The following CAST variants were observed in gnomAD, a reference collection of about 807,000 sequenced individuals.
The protein encoded by CAST is calpastatin, also known as MIR583 host.
In CAST, 76 loss-of-function variants were observed where a neutral mutation model predicts 119.6. That is an observed-to-expected ratio of 0.64 (90% CI 0.53 to 0.77). The LOEUF is 0.77. Ranked by LOEUF, CAST falls within the 30% of genes least tolerant of loss-of-function variation. The probability of loss-of-function intolerance (pLI) is 0.00; values close to 1 mark genes in which losing one functional copy is unlikely to be tolerated. For synonymous variants in CAST, 319 were observed against 331.6 expected, an observed-to-expected ratio of 0.96 and a Z score of 0.41; for missense variants, 953 against 946.5, an observed-to-expected ratio of 1.01 and a Z score of -0.09.
At chr5:96,722,895 C>T (rs1468026831) in intron 4 of CAST, among the ~76,000 whole-genome samples, 197 bp downstream of exon 4, 1 of 152,154 alleles carries the variant, frequency 6.6e-6, no homozygotes, top group African/African-American at 2.4e-5. Context: ...ACATCATCTA[C>T]ATGGTTTTAG....
chr5:96,591,089 TC>T (rs1400591700), intron 1 of CAST, among the ~76,000 whole-genome samples: 6 of 152,274 alleles, frequency 3.9e-5, no homozygotes, highest in African/African-American at 1.4e-4. Context: ...GCTCCTCTCT[TC>T]CCTTACTAAA....
the CAST span, among the ~76,000 whole-genome samples, chr5:96,150,142 G>T: frequency 1.3e-5 from 2 of 152,182 alleles, no homozygotes; most frequent in African/African-American, 4.8e-5. Context: ...GGGGGAGACT[G>T]CCCACAAACA....
the CAST span, among the ~76,000 whole-genome samples, chr5:96,031,869 T>TG: frequency 6.6e-6 from 1 of 152,258 alleles, no homozygotes; most frequent in South Asian, 2.1e-4. Context: ...GTAGATCAGC[T>TG]GGGGGACTCT....
the CAST span, among the ~76,000 whole-genome samples, chr5:96,497,314 T>C: frequency 6.6e-6 from 1 of 152,210 alleles, no homozygotes; most frequent in Admixed American, 6.5e-5. Context: ...AGTGCCGCAA[T>C]AAACATATGG....
the CAST span, among the ~76,000 whole-genome samples, chr5:96,209,801 G>T: frequency 6.6e-6 from 1 of 151,622 alleles, no homozygotes; most frequent in African/African-American, 2.4e-5. Flanking sequence ...TGAAGACTGT[G>T]TGTCTTGGGG....
chr5:96,636,167 A>G (rs1293816808), intron 1 of CAST, among the ~76,000 whole-genome samples: 1 of 152,224 alleles, frequency 6.6e-6, no homozygotes, highest in African/African-American at 2.4e-5. Flanking sequence ...AGCACTCTAT[A>G]GAAGCTAATG....
chr5:96,608,510 A>G (rs934030849), intron 1 of CAST, among the ~76,000 whole-genome samples: 5 of 152,168 alleles, frequency 3.3e-5, no homozygotes, highest in Admixed American at 6.5e-5. Flanking sequence ...AATTGCTTAC[A>G]TTAAAAAAAA....
chr5:96,415,469 G>A, the CAST span, among the ~76,000 whole-genome samples: 23 of 152,236 alleles, frequency 1.5e-4, 1 homozygote, highest in Middle Eastern at 6.8e-3. Flanking sequence ...TCTAATTCTT[G>A]TAAATCGTTT....
intron 3 of CAST, among the ~76,000 whole-genome samples, chr5:96,706,715 T>C (rs1015389045): frequency 2.6e-5 from 4 of 152,218 alleles, no homozygotes; most frequent in African/African-American, 9.7e-5. Flanking sequence ...AATCTCTTCT[T>C]CCCGTGCTTT....
intron 1 of CAST, among the ~76,000 whole-genome samples, chr5:96,583,392 A>G (rs866354718): frequency 1.3e-5 from 2 of 152,270 alleles, no homozygotes; most frequent in South Asian, 4.1e-4. Flanking sequence ...ATATTTTGAG[A>G]CATTAAATGA....
At chr5:96,263,737 A>G in the CAST span, among the ~76,000 whole-genome samples, 1 of 152,236 alleles carries the variant, frequency 6.6e-6, no homozygotes, top group Non-Finnish European at 1.5e-5. Context: ...ATTTATAAAT[A>G]AAAGAGGTTT....
the CAST span, among the ~76,000 whole-genome samples, chr5:96,073,865 G>A: frequency 6.6e-6 from 1 of 152,110 alleles, no homozygotes; most frequent in African/African-American, 2.4e-5. Flanking sequence ...GTTCTTTCTT[G>A]ATAGAGAACA....
the CAST span, among the ~76,000 whole-genome samples, chr5:96,180,923 A>T: frequency 1.3e-5 from 2 of 152,228 alleles, no homozygotes; most frequent in Admixed American, 6.5e-5. Flanking sequence ...TGAAAGTTTA[A>T]ACTGCATCTA....
chr5:96,354,200 C>A, the CAST span, among the ~76,000 whole-genome samples: 1 of 152,200 alleles, frequency 6.6e-6, no homozygotes, highest in African/African-American at 2.4e-5. Flanking sequence ...CTCATTTTCC[C>A]CTTCCCAATC....
intron 1 of CAST, among the ~76,000 whole-genome samples, chr5:96,600,952 C>T (rs571660847): frequency 1.1e-3 from 169 of 152,298 alleles, no homozygotes; most frequent in African/African-American, 3.7e-3. Flanking sequence ...TCCTCCTTCT[C>T]TGGATTTTGG....
intron 1 of CAST, among the ~76,000 whole-genome samples, chr5:96,557,352 C>T (rs2150183586): frequency 6.6e-6 from 1 of 152,130 alleles, no homozygotes; most frequent in East Asian, 1.9e-4. Flanking sequence ...CAAATTCACA[C>T]ATAACAATAT....
intron 1 of CAST, among the ~76,000 whole-genome samples, chr5:96,586,786 A>G (rs1746868995): frequency 6.6e-6 from 1 of 152,234 alleles, no homozygotes. Context: ...CCACAGATTA[A>G]TTCACAAAGA....
intron 2 of CAST, among the ~76,000 whole-genome samples, chr5:96,679,024 A>G (rs536951282): frequency 6.6e-6 from 1 of 151,844 alleles, no homozygotes; most frequent in African/African-American, 2.4e-5. Flanking sequence ...TTTTGAGATG[A>G]GGTCTTACTC....
At chr5:96,183,155 AAATAAAAT>A in the CAST span, among the ~76,000 whole-genome samples, 1 of 105,024 alleles carries the variant, frequency 9.5e-6, no homozygotes, top group Non-Finnish European at 1.9e-5. Flanking sequence ...GAAAAAAAAT[AAATAAAAT>A]AATAATAATA....
Sources: allele counts gnomAD v4.1 joint callset (sites outside exome capture counted in the v4.1 genomes callset), GRCh38; gene constraint gnomAD v4.1.1; transcripts MANE v1.5; gene names NCBI Gene and HGNC (gene_info 2026-07-23, HGNC 2026-07-21).